The following SHANK2 variants were observed in gnomAD, a reference collection of about 807,000 sequenced individuals.
SHANK2 encodes SH3 and multiple ankyrin repeat domains 2.
A neutral mutation model predicts 133.7 loss-of-function variants in SHANK2; 43 were observed. That is an observed-to-expected ratio of 0.32 (90% CI 0.25 to 0.41). The LOEUF (loss-of-function observed/expected upper bound fraction) is 0.41. Ranked by LOEUF, SHANK2 falls within the 10% of genes least tolerant of loss-of-function variation. The probability of loss-of-function intolerance (pLI) is 1.00; values close to 1 mark genes in which losing one functional copy is unlikely to be tolerated. For missense variants in SHANK2, 1,994 were observed against 2,235.8 expected, an observed-to-expected ratio of 0.89 and a Z score of 2.18; for synonymous variants, 1,017 against 952.8, an observed-to-expected ratio of 1.07 and a Z score of -1.24.
intron 14 of SHANK2, among the ~76,000 whole-genome samples, chr11:70,715,739 G>C (rs1945900624): frequency 6.6e-6 from 1 of 152,254 alleles, no homozygotes; most frequent in Non-Finnish European, 1.5e-5. Flanking sequence ...TCGGCTGGGA[G>C]TGTCCATGCC....
chr11:71,057,398 C>T (rs1416172348), intron 9 of SHANK2, among the ~76,000 whole-genome samples: 1 of 152,006 alleles, frequency 6.6e-6, no homozygotes, highest in Non-Finnish European at 1.5e-5. Flanking sequence ...AGTTCATTTA[C>T]ATTTTAAAGG....
At chr11:71,086,706 T>G (rs1389495427) in intron 8 of SHANK2, among the ~76,000 whole-genome samples, 1 of 151,624 alleles carries the variant, frequency 6.6e-6, no homozygotes, top group Non-Finnish European at 1.5e-5. Context: ...ACTGTGGCAT[T>G]TACCGGGCCA....
chr11:70,833,810 T>C (rs1232253277), intron 11 of SHANK2, among the ~76,000 whole-genome samples: 2 of 152,340 alleles, frequency 1.3e-5, no homozygotes, highest in Admixed American at 1.3e-4. Flanking sequence ...CTGACAGGCA[T>C]TCTCAGTCTC....
intron 17 of SHANK2, among the ~76,000 whole-genome samples, chr11:70,563,105 G>A (rs1435280815): frequency 2.6e-5 from 4 of 152,170 alleles, no homozygotes; most frequent in South Asian, 2.1e-4. Context: ...TCTTGATCTC[G>A]TGATCCGCCC....
intron 10 of SHANK2, among the ~76,000 whole-genome samples, chr11:70,903,103 T>A (rs1341104411): frequency 6.6e-6 from 1 of 152,042 alleles, no homozygotes; most frequent in Non-Finnish European, 1.5e-5. Flanking sequence ...CCGGCTGGAC[T>A]CAGTGGCTCA....
chr11:71,094,404 G>A, intron 7 of SHANK2, 133 bp downstream of exon 7: 1 of 823,566 alleles, frequency 1.2e-6, no homozygotes, highest in East Asian at 2.8e-5. Context: ...CCGGAACACT[G>A]TGCACGGACT....
chr11:70,748,627 A>T (rs914064434), intron 14 of SHANK2, among the ~76,000 whole-genome samples: 2 of 152,230 alleles, frequency 1.3e-5, no homozygotes, highest in Non-Finnish European at 2.9e-5. Flanking sequence ...TTGCCAGGAA[A>T]TAAAATTCAC....
rs150239884 is a variant in SHANK2, at chr11:70,820,146, C to T, written c.1493+218G>A. Among the ~76,000 whole-genome samples, 384 of 152,318 alleles carry T rather than the reference C, an allele frequency of 2.5e-3. 3 individuals carry two copies. The highest frequency in any genetic ancestry group is 0.024 in the Middle Eastern group (7 of 294). On this transcript the variant is annotated intron_variant, in intron 12 of 25. Coordinates refer to ENST00000601538, the MANE Select transcript of SHANK2 (RefSeq NM_012309.5). ...CTGCACACCTGCCCCGAGCTTTCAT[C>T]GTGTGCCTCCATGAGGCTCGGGAAG...
At chr11:70,789,918 T>C (rs1289518976) in intron 14 of SHANK2, among the ~76,000 whole-genome samples, 1 of 152,224 alleles carries the variant, frequency 6.6e-6, no homozygotes. Context: ...GCAACTAAAA[T>C]ACGATTTGCT....
At chr11:70,527,323 C>T (rs1400667479) in intron 17 of SHANK2, among the ~76,000 whole-genome samples, 4 of 152,170 alleles carry the variant, frequency 2.6e-5, no homozygotes, top group African/African-American at 7.2e-5. Context: ...CTTCTGGGGC[C>T]GGGCTGGACT....
At chr11:71,091,653 C>T (rs946914008) in intron 8 of SHANK2, among the ~76,000 whole-genome samples, 6 of 152,116 alleles carry the variant, frequency 3.9e-5, no homozygotes, top group Non-Finnish European at 5.9e-5. Context: ...CACAGCACTC[C>T]CTCACTGTCC....
intron 17 of SHANK2, among the ~76,000 whole-genome samples, chr11:70,608,325 G>A (rs1006332668): frequency 6.6e-6 from 1 of 152,160 alleles, no homozygotes; most frequent in South Asian, 2.1e-4. Context: ...TTCAGCTACT[G>A]ACTGGGCTAC....
chr11:71,195,580 C>T (rs1401699566), intron 2 of SHANK2, among the ~76,000 whole-genome samples: 3 of 152,144 alleles, frequency 2.0e-5, no homozygotes, highest in Non-Finnish European at 2.9e-5. Context: ...GGATTATTTA[C>T]ATACCCGAAA....
chr11:71,203,069 G>C (rs797032224), intron 2 of SHANK2, among the ~76,000 whole-genome samples: 5 of 152,228 alleles, frequency 3.3e-5, no homozygotes, highest in Admixed American at 3.3e-4. Flanking sequence ...CATGGAGCAG[G>C]TGGCCCTGTG....
At chr11:70,953,271 A>C (rs1950871910) in intron 10 of SHANK2, among the ~76,000 whole-genome samples, 1 of 152,002 alleles carries the variant, frequency 6.6e-6, no homozygotes, top group Non-Finnish European at 1.5e-5. Flanking sequence ...TAAATCAGGG[A>C]TCTCCAGAGG....
intron 15 of SHANK2, among the ~76,000 whole-genome samples, chr11:70,687,697 C>A (rs1014751509): frequency 1.3e-5 from 2 of 152,170 alleles, no homozygotes; most frequent in Admixed American, 1.3e-4. Context: ...CTTTGCCTGC[C>A]GGCGGGGCTC....
chr11:71,141,807 C>A (rs576443032), intron 3 of SHANK2, among the ~76,000 whole-genome samples: 1 of 152,124 alleles, frequency 6.6e-6, no homozygotes, highest in Non-Finnish European at 1.5e-5. Flanking sequence ...TGGAGCCAAA[C>A]GGAATTCACC....
chr11:70,841,924 C>A (rs1163125637), intron 11 of SHANK2, among the ~76,000 whole-genome samples: 1 of 152,196 alleles, frequency 6.6e-6, no homozygotes, highest in Non-Finnish European at 1.5e-5. Flanking sequence ...ACCCCAGAGC[C>A]CACAGCCTCC....
chr11:71,147,268 G>T lies in SHANK2; in HGVS notation c.59C>A (p.Ser20Tyr), dbSNP rs373335096. Residue 20 changes from serine to tyrosine, a missense_variant, in exon 3 of 26, where the codon TCC becomes TAC. Transcript: ENST00000601538. The part of the protein sequence containing the change: ...DEMAQSFSDY[S>Y]VGSESDSSKE... ...GGAGCTGTCTGACTCCGACCCCACG[G>T]AGTAGTCGGAGAAGCTCTGGGCCAT... 73 of 1,550,920 alleles carry T rather than the reference G, an allele frequency of 4.7e-5. No individual in the cohort carries two copies. Among genetic ancestry groups the T allele is most frequent in the Non-Finnish European group, 6.0e-5 (69 of 1,146,966 alleles).
Sources: allele counts gnomAD v4.1 joint callset (sites outside exome capture counted in the v4.1 genomes callset), GRCh38; gene constraint gnomAD v4.1.1; transcripts MANE v1.5; gene names NCBI Gene and HGNC (gene_info 2026-07-23, HGNC 2026-07-21).